Variants in RSRC1 observed in about 807,000 individuals in gnomAD.
RSRC1 encodes serine/Arginine-related protein 53.
A neutral mutation model predicts 49.1 loss-of-function variants in RSRC1; 39 were observed. That is an observed-to-expected ratio of 0.79 (90% CI 0.61 to 1.04). The LOEUF is 1.04. RSRC1 is among the 50% of genes least tolerant of loss of function. RSRC1 has a pLI of 0.00. For missense variants in RSRC1, 388 were observed against 402.4 expected (o/e 0.96, Z 0.31); for synonymous variants, 143 against 130.8 (o/e 1.09, Z -0.63).
At position 158,171,386 on chromosome 3, in the gene RSRC1, A is replaced by G. The variant is rs530887239; in HGVS notation, c.321-31686A>G. On this transcript the variant is annotated intron_variant, in intron 3 of 9. Transcript: ENST00000611884. ...AAAATGTGACTAATATTTAAGGGAA[A>G]AGACAATCAACAGATGGCAACTCCA... is the stretch of plus-strand genomic sequence containing the variant. Among the ~76,000 whole-genome samples the G allele has an allele frequency of 5.9e-5, 9 of 152,332 alleles. No individual in the cohort carries two copies. In the South Asian group the frequency reaches 1.2e-3, roughly 21 times the overall value.
At chr3:158,453,253 G>A (rs1274221368) in intron 6 of RSRC1, among the ~76,000 whole-genome samples, 2 of 151,802 alleles carry the variant, frequency 1.3e-5, no homozygotes, top group Non-Finnish European at 2.9e-5. Context: ...TCAAACTCTT[G>A]TGCACACATT....
chr3:158,446,108 G>A (rs1173418746), intron 6 of RSRC1, among the ~76,000 whole-genome samples: 1 of 152,014 alleles, frequency 6.6e-6, no homozygotes, highest in African/African-American at 2.4e-5. Flanking sequence ...TATTGATAAT[G>A]ATTAATACTA....
intron 6 of RSRC1, among the ~76,000 whole-genome samples, chr3:158,428,201 TC>T (rs1304947657): frequency 2.0e-5 from 3 of 151,844 alleles, no homozygotes; most frequent in African/African-American, 7.2e-5. Flanking sequence ...CTAATACACC[TC>T]CAGCCAGATT....
chr3:158,456,097 T>A (rs948621454), intron 6 of RSRC1, among the ~76,000 whole-genome samples: 1 of 151,044 alleles, frequency 6.6e-6, no homozygotes, highest in Admixed American at 6.6e-5. Flanking sequence ...CCTGCTGTAT[T>A]AGGCAAAGTG....
At chr3:158,514,657 A>G (rs1160319890) in intron 7 of RSRC1, among the ~76,000 whole-genome samples, 4 of 151,990 alleles carry the variant, frequency 2.6e-5, no homozygotes, top group Admixed American at 6.5e-5. Flanking sequence ...GCTGAGTTCA[A>G]TTCCTCGGTA....
intron 6 of RSRC1, among the ~76,000 whole-genome samples, chr3:158,456,487 C>A (rs747215085): frequency 7.9e-5 from 12 of 151,996 alleles, no homozygotes; most frequent in Non-Finnish European, 1.6e-4. Flanking sequence ...AACTACTATG[C>A]GCCCAGCTCT....
chr3:158,129,533 C>T lies in RSRC1; in HGVS notation c.320+5542C>T, dbSNP rs576413730. 5.9e-5 allele frequency among the ~76,000 whole-genome samples: 9 copies of T among 152,084 alleles called. No homozygotes were observed. The South Asian group carries it at 8.3e-4, about 14-fold the overall frequency. The stretch of plus-strand genomic sequence containing the variant: ...CTTGAACTCCTGACCTCAAGTGATC[C>T]GCCCGCCTTGGCCTCCCAGAGTGCT... On this transcript the variant is annotated intron_variant, in intron 3 of 9. Transcript: ENST00000611884.
Position 158,543,446 on chromosome 3 carries a change from G to A in RSRC1, c.871G>A (p.Ala291Thr). Residue 291 changes from alanine (A) to threonine (T), a missense_variant, in exon 9 of 10, where the codon GCT becomes ACT. Coordinates refer to ENST00000611884, the MANE Select transcript of RSRC1 (RefSeq NM_001271838.2). ...KEIDPTSIPT[A>T]IKYQDDNSLA... Reference sequence around the variant, plus strand: ...AATAGATCCTACCAGCATCCCTACTGCTATCAAGTACCAAGATGACAATTC... The same window carrying A: ...AATAGATCCTACCAGCATCCCTACTACTATCAAGTACCAAGATGACAATTC... 1 of 1,610,854 alleles carries A rather than the reference G, an allele frequency of 6.2e-7. No homozygotes were observed. Among genetic ancestry groups the A allele is most frequent in the East Asian group, 2.2e-5 (1 of 44,618 alleles).
At chr3:158,297,474 G>C (rs1727296883) in intron 4 of RSRC1, among the ~76,000 whole-genome samples, 1 of 151,906 alleles carries the variant, frequency 6.6e-6, no homozygotes, top group Non-Finnish European at 1.5e-5. Flanking sequence ...GTCCTGATTT[G>C]TAGTGTGCAT....
intron 7 of RSRC1, among the ~76,000 whole-genome samples, chr3:158,471,225 GATAAGTAGATTAGGATAT>G (rs1230504353): frequency 1.3e-5 from 2 of 152,198 alleles, no homozygotes; most frequent in African/African-American, 4.8e-5. Flanking sequence ...TCTGCAGTAT[GATAAGTAGATTAGGATAT>G]AAACTGCAGG....
chr3:158,357,575 C>G (rs1038115163), intron 6 of RSRC1, among the ~76,000 whole-genome samples: 1 of 152,046 alleles, frequency 6.6e-6, no homozygotes, highest in Non-Finnish European at 1.5e-5. Flanking sequence ...GGGAAGAGTA[C>G]ATAGCTAACT....
intron 4 of RSRC1, among the ~76,000 whole-genome samples, chr3:158,230,131 T>G (rs1344625627): frequency 6.6e-6 from 1 of 152,114 alleles, no homozygotes. Context: ...CCTTGATATT[T>G]TTTAAGGTAT....
intron 4 of RSRC1, among the ~76,000 whole-genome samples, chr3:158,273,779 G>T (rs1725651162): frequency 6.6e-6 from 1 of 152,090 alleles, no homozygotes; most frequent in South Asian, 2.1e-4. Context: ...TGTAGAACCA[G>T]TTGAGAAGTA....
intron 4 of RSRC1, among the ~76,000 whole-genome samples, chr3:158,209,888 C>A (rs982398769): frequency 6.6e-6 from 1 of 152,068 alleles, no homozygotes; most frequent in African/African-American, 2.4e-5. Flanking sequence ...AGTAATCATA[C>A]TTTATAGATA....
At chr3:158,191,003 C>G (rs1349629490) in intron 3 of RSRC1, among the ~76,000 whole-genome samples, 1 of 151,856 alleles carries the variant, frequency 6.6e-6, no homozygotes, top group East Asian at 1.9e-4. Context: ...CTTACTGCAG[C>G]CTTCTAACTC....
chr3:158,312,815 T>A (rs1202104977), intron 5 of RSRC1, among the ~76,000 whole-genome samples: 3 of 152,128 alleles, frequency 2.0e-5, no homozygotes, highest in Non-Finnish European at 2.9e-5. Context: ...TTATTGCCAC[T>A]GCTCTGGTTA....
intron 7 of RSRC1, among the ~76,000 whole-genome samples, chr3:158,528,485 C>A (rs1023312007): frequency 7.9e-5 from 12 of 151,868 alleles, no homozygotes; most frequent in African/African-American, 2.9e-4. Context: ...ATATTAGCCA[C>A]AGTGACAAAT....
chr3:158,321,181 C>G (rs1015656673), intron 5 of RSRC1, among the ~76,000 whole-genome samples: 1 of 150,556 alleles, frequency 6.6e-6, no homozygotes, highest in African/African-American at 2.4e-5. Context: ...CACCCTCAAC[C>G]TCTCTTTCCT....
intron 1 of RSRC1, among the ~76,000 whole-genome samples, chr3:158,117,851 T>G (rs976020474): frequency 6.6e-6 from 1 of 151,432 alleles, no homozygotes; most frequent in Non-Finnish European, 1.5e-5. Flanking sequence ...TCCAGATTGA[T>G]CCTCTTCTGT....
Sources: allele counts gnomAD v4.1 joint callset (sites outside exome capture counted in the v4.1 genomes callset), GRCh38; gene constraint gnomAD v4.1.1; transcripts MANE v1.5; gene names NCBI Gene and HGNC (gene_info 2026-07-23, HGNC 2026-07-21).